Variants in USP20 observed in about 807,000 individuals in gnomAD.
The protein encoded by USP20 is ubiquitin carboxyl-terminal hydrolase 20.
In USP20, 80 loss-of-function variants were observed where a neutral mutation model predicts 124.2. The ratio of observed to expected loss-of-function variants is 0.64; its 90% confidence interval spans 0.54 to 0.78. USP20 has a LOEUF of 0.78. Ranked by LOEUF, USP20 falls within the 30% of genes least tolerant of loss-of-function variation. The pLI is 0.00. For missense variants in USP20, 1,043 were observed against 1,244.4 expected, an observed-to-expected ratio of 0.84 and a Z score of 2.44; for synonymous variants, 481 against 512.3, an observed-to-expected ratio of 0.94 and a Z score of 0.83.
chr9:129,837,953 G>T (rs527943618), intron 1 of USP20, among the ~76,000 whole-genome samples: 2 of 152,236 alleles, frequency 1.3e-5, no homozygotes, highest in South Asian at 4.1e-4. Flanking sequence ...GCTGTTCTTA[G>T]CCTTTTACCT....
rs1367966312 is a variant in USP20, at chr9:129,846,243, ATATATTTTTTTTTTTT to A, written c.-128-3568_-128-3553del. Among the ~76,000 whole-genome samples, 219 of 36,030 alleles carry A rather than the reference ATATATTTTTTTTTTTT, an allele frequency of 6.1e-3. 7 individuals carry two copies. The highest frequency in any genetic ancestry group is 0.025 in the Admixed American group (53 of 2,094). 23.6% of individuals were successfully genotyped at this position (36,030 alleles called of 152,430 possible). A position where few individuals can be genotyped will look rare whatever the true frequency, so the allele number is the denominator to read the frequency against. On this transcript the variant is annotated intron_variant, in intron 1 of 25. Coordinates refer to ENST00000372429, the MANE Select transcript of USP20 (RefSeq NM_001110303.4). ...TGCGCCCAGCCATATATATATATAT[ATATATTTTTTTTTTTT>A]TTTTTTTTTTTTTTGAGATAGGGTC... is the stretch of plus-strand genomic sequence containing the variant.
At chr9:129,865,274 C>G (rs1380897013) in intron 9 of USP20, 29 bp from the exon 10 acceptor site, 1 of 1,613,100 alleles carries the variant, frequency 6.2e-7, no homozygotes, top group Admixed American at 1.7e-5. Flanking sequence ...GGCAGGCTAC[C>G]TGGACTAATG....
intron 15 of USP20, 117 bp downstream of exon 15, chr9:129,870,664 C>A: frequency 4.1e-6 from 5 of 1,207,930 alleles, no homozygotes; most frequent in Middle Eastern, 2.3e-4. Flanking sequence ...CCAGGCTAGA[C>A]TTGGCTTCCA....
rs1450656100 is a variant in USP20 at position 129,875,310 on chromosome 9, G to A, written c.2049G>A (p.Arg683=). The change falls in exon 20 of 26, where the codon AGG becomes AGA. Residue 683 remains arginine, a splice_region_variant and synonymous_variant. Coordinates refer to ENST00000372429, the MANE Select transcript of USP20 (RefSeq NM_001110303.4). Reference sequence around the variant, plus strand: ...TTCTCGCCCCCTCCTCACCCCACAGGAAGAGCAGCGAGGAGGCCATGCGGG... The same window carrying A: ...TTCTCGCCCCCTCCTCACCCCACAGAAAGAGCAGCGAGGAGGCCATGCGGG... The part of the protein sequence containing the change: ...QNAEGYVLFY[R]KSSEEAMRER... 1.9e-6 allele frequency: 3 copies of A among 1,604,344 alleles called. No individual in the cohort carries two copies. Among genetic ancestry groups the A allele is most frequent in the Non-Finnish European group, 2.6e-6 (3 of 1,174,810 alleles).
intron 8 of USP20, among the ~76,000 whole-genome samples, chr9:129,862,384 T>C (rs2033593608): frequency 6.6e-6 from 1 of 151,918 alleles, no homozygotes; most frequent in Non-Finnish European, 1.5e-5. Flanking sequence ...AAACCCTGTC[T>C]CTACTAAAAA....
At chr9:129,850,780 T>A (rs1415880945) in intron 2 of USP20, among the ~76,000 whole-genome samples, 2 of 152,102 alleles carry the variant, frequency 1.3e-5, no homozygotes, top group Non-Finnish European at 2.9e-5. Context: ...CTCAGCCTCC[T>A]GAGTAGCTGG....
intron 14 of USP20, 145 bp downstream of exon 14, chr9:129,869,989 T>G: frequency 1.0e-6 from 1 of 956,296 alleles, no homozygotes; most frequent in Non-Finnish European, 1.5e-6. Context: ...TGCAGAGGAG[T>G]TGGCTTAATA....
chr9:129,852,701 A>C (rs2032993322), intron 3 of USP20, 65 bp downstream of exon 3: 1 of 1,482,958 alleles, frequency 6.7e-7, no homozygotes, highest in South Asian at 1.2e-5. Context: ...TGGGGTGTGG[A>C]CATTTCTGAA....
Position 129,874,657 on chromosome 9 carries a change from G to A in USP20, c.1822G>A (p.Glu608Lys), listed in dbSNP as rs1242384865. 4.3e-6 allele frequency: 7 copies of A among 1,613,750 alleles called. No individual in the cohort carries two copies. The East Asian group carries it at 6.7e-5, about 15-fold the overall frequency. Residue 608 changes from glutamate (E) to lysine (K), a missense_variant, in exon 18 of 26, where the codon GAG (glutamate) becomes AAG (lysine). Transcript: ENST00000372429. The stretch of plus-strand genomic sequence containing the variant: ...CAACAGCCACGTCTCCTTCCCCCTC[G>A]AGGGGCTCGACCTGCGCCCCTTCCT... The part of the protein sequence containing the change: ...KINSHVSFPL[E>K]GLDLRPFLAK...
intron 22 of USP20, 101 bp downstream of exon 22, chr9:129,876,339 T>C: frequency 3.0e-6 from 3 of 988,192 alleles, no homozygotes; most frequent in Non-Finnish European, 4.6e-6. Flanking sequence ...CTGAGCAAGT[T>C]TGAAAGCAGT....
At chr9:129,870,226 C>T (rs376664042) in intron 14 of USP20, 2 of 585,520 alleles carry the variant, frequency 3.4e-6, no homozygotes, top group East Asian at 2.9e-5. Context: ...ATCATGGCCG[C>T]AACACAGATG....
Position 129,862,204 on chromosome 9 carries a change from A to G in USP20, c.497+592A>G, listed in dbSNP as rs570577079. On this transcript the variant is annotated intron_variant, in intron 8 of 25. Transcript: ENST00000372429. ...AAAGTCTGGAAGGCTATGTCCCAAA[A>G]TGTTCCTAGTAACTATCCTCAGGTG... Among the ~76,000 whole-genome samples the G allele has an allele frequency of 4.6e-5, 7 of 152,270 alleles. No homozygotes were observed. The East Asian group carries it at 1.4e-3, about 29-fold the overall frequency.
chr9:129,875,597 G>C lies in USP20; in HGVS notation c.2256G>C (p.Leu752=). ...PPHKYHYIDD[L]VVILPQNVWE... is the part of the protein sequence containing the mutation. ...ACAAATACCACTACATCGACGACCT[G>C]GTGGTCATCCTGCCCCAGAACGTCT... is the stretch of plus-strand genomic sequence containing the variant. Residue 752 remains leucine, a synonymous_variant, in exon 21 of 26, where the codon CTG becomes CTC. Transcript: ENST00000372429. 6.2e-7 allele frequency: 1 copy of C among 1,614,074 alleles called. No homozygotes were observed. Among genetic ancestry groups the C allele is most frequent in the Non-Finnish European group, 8.5e-7 (1 of 1,180,008 alleles).
At chr9:129,862,017 C>T (rs2033574859) in intron 8 of USP20, among the ~76,000 whole-genome samples, 1 of 152,090 alleles carries the variant, frequency 6.6e-6, no homozygotes, top group South Asian at 2.1e-4. Context: ...GGTACAATCC[C>T]GTTTTATGGG....
chr9:129,850,189 G>A (rs530678012), intron 2 of USP20, among the ~76,000 whole-genome samples: 90 of 152,282 alleles, frequency 5.9e-4, no homozygotes, highest in African/African-American at 1.9e-3. Flanking sequence ...ATGGAAGTGC[G>A]TTATATAGTT....
chr9:129,838,145 G>A (rs1004612565), intron 1 of USP20, among the ~76,000 whole-genome samples: 14 of 151,768 alleles, frequency 9.2e-5, no homozygotes, highest in Non-Finnish European at 1.9e-4. Context: ...AGGTTCAAGT[G>A]ATTCTCCTGC....
Position 129,858,498 on chromosome 9 carries a change from C to T in USP20, c.230C>T (p.Thr77Ile). 1 of 1,614,194 alleles carries T rather than the reference C, an allele frequency of 6.2e-7. No individual in the cohort carries two copies. Among genetic ancestry groups the T allele is most frequent in the Non-Finnish European group, 8.5e-7 (1 of 1,180,030 alleles). ...AKKHNLTVNL[T>I]TFRLWCYACE... ...AAGCACAACTTGACCGTGAACCTGA[C>T]CACGTTCCGACTGTGGTGTTACGCC... is the stretch of plus-strand genomic sequence containing the variant. Residue 77 changes from threonine (T) to isoleucine (I), a missense_variant, in exon 6 of 26, where the codon ACC becomes ATC. Physicochemically the swap from Thr to Ile is moderately conservative, Grantham distance 89. Transcript: ENST00000372429.
In USP20 at chr9:129,869,378, T is replaced by G. The variant is rs2034002683; in HGVS notation, c.1345T>G (p.Phe449Val). Residue 449 changes from phenylalanine (F) to valine (V), a missense_variant, in exon 13 of 26, where the codon TTT becomes GTT. Physicochemically the swap from Phe to Val is conservative, Grantham distance 50 (BLOSUM62 -1). Coordinates refer to ENST00000372429, the MANE Select transcript of USP20 (RefSeq NM_001110303.4). ...QRYRSVISDIFDGSILSLVQC... is the reference protein window; with the variant it reads ...QRYRSVISDIVDGSILSLVQC... ...CTACCGCAGCGTCATCTCAGACATC[T>G]TTGACGGCTCCATTCTCAGCCTTGT... The G allele has an allele frequency of 6.2e-7, 1 of 1,613,616 alleles. No individual in the cohort carries two copies. The highest frequency in any genetic ancestry group is 1.3e-5 in the African/African-American group (1 of 74,942).
At chr9:129,871,691 T>C (rs2034135872) in intron 15 of USP20, among the ~76,000 whole-genome samples, 1 of 152,174 alleles carries the variant, frequency 6.6e-6, no homozygotes, top group South Asian at 2.1e-4. Flanking sequence ...TATGAGGTGG[T>C]ATCTCATTGT....
Sources: gnomAD v4.1 joint callset for allele counts (sites outside exome capture counted in the v4.1 genomes callset) on GRCh38, gnomAD v4.1.1 for gene constraint, MANE v1.5 for transcripts, NCBI Gene and HGNC (gene_info 2026-07-23, HGNC 2026-07-21) for gene names.